Variants in PTPRD observed in about 807,000 individuals in gnomAD.
PTPRD encodes the protein receptor-type tyrosine-protein phosphatase delta.
A neutral mutation model predicts 214.5 loss-of-function variants in PTPRD; 34 were observed. That is an observed-to-expected ratio of 0.16 (90% CI 0.12 to 0.21). The LOEUF (loss-of-function observed/expected upper bound fraction) is 0.21, where lower values mean the gene tolerates loss of function less well. Among genes scored for constraint, PTPRD ranks in the 10% least tolerant of loss-of-function variants. The probability of loss-of-function intolerance (pLI) is 1.00; values close to 1 mark genes in which losing one functional copy is unlikely to be tolerated. For synonymous variants in PTPRD, 1,128 were observed against 845.7 expected (o/e 1.33, Z -5.79); for missense variants, 2,545 against 2,398.7 (o/e 1.06, Z -1.27).
At chr9:8,494,734 C>A (rs2097222868) in intron 26 of PTPRD, among the ~76,000 whole-genome samples, 1 of 152,216 alleles carries the variant, frequency 6.6e-6, no homozygotes, top group Admixed American at 6.5e-5. Flanking sequence ...GGATAACAGA[C>A]ATAACGCAAT....
chr9:10,020,389 C>A (rs2096826027), intron 4 of PTPRD, among the ~76,000 whole-genome samples: 1 of 148,404 alleles, frequency 6.7e-6, no homozygotes, highest in Non-Finnish European at 1.5e-5. Context: ...GCGACCTCCA[C>A]TTCTCGGGTT....
At chr9:8,428,327 T>A (rs1343837105) in intron 35 of PTPRD, among the ~76,000 whole-genome samples, 1 of 152,204 alleles carries the variant, frequency 6.6e-6, no homozygotes, top group African/African-American at 2.4e-5. Flanking sequence ...TGATCTGGAA[T>A]AGTAAATTTA....
rs1333130531 is a variant in PTPRD at position 8,511,307 on chromosome 9, G to T, written c.1544-3873C>A. Among the ~76,000 whole-genome samples, 3 of 152,152 alleles carry T rather than the reference G, an allele frequency of 2.0e-5. No individual in the cohort carries two copies. In the South Asian group the frequency reaches 6.2e-4, roughly 32 times the overall value. On this transcript the variant is annotated intron_variant, in intron 21 of 45. Coordinates refer to ENST00000381196, the MANE Select transcript of PTPRD (RefSeq NM_002839.4). ...GGTTGTCTGAACTTCCTGGGCTCAA[G>T]AAATCCTTCCACCTCGACCACTCAA...
At chr9:8,845,427 G>A (rs1351005295) in intron 11 of PTPRD, among the ~76,000 whole-genome samples, 1 of 152,088 alleles carries the variant, frequency 6.6e-6, no homozygotes, top group Non-Finnish European at 1.5e-5. Context: ...GCTAGCTCTG[G>A]CGATATTCAA....
chr9:9,379,426 C>T (rs925561351), intron 9 of PTPRD, among the ~76,000 whole-genome samples: 1 of 151,726 alleles, frequency 6.6e-6, no homozygotes, highest in African/African-American at 2.4e-5. Context: ...ACCATGCAGT[C>T]TCGATTACTG....
intron 32 of PTPRD, among the ~76,000 whole-genome samples, chr9:8,463,492 C>G (rs1045195420): frequency 2.6e-5 from 4 of 151,802 alleles, no homozygotes; most frequent in African/African-American, 9.7e-5. Flanking sequence ...GCAATACTGT[C>G]TCATTTGAAA....
chr9:9,494,524 G>C (rs1356247237), intron 8 of PTPRD, among the ~76,000 whole-genome samples: 3 of 152,174 alleles, frequency 2.0e-5, no homozygotes, highest in East Asian at 3.9e-4. Context: ...AAATGATTAA[G>C]ATTTGCAAAG....
intron 9 of PTPRD, among the ~76,000 whole-genome samples, chr9:9,209,256 T>A (rs10977578): frequency 0.1 from 15,753 of 152,222 alleles, 903 homozygotes; most frequent in Middle Eastern, 0.13. Context: ...ACACTATTGT[T>A]AAGCAATGAA....
chr9:8,937,458 GA>G (rs1278798942), intron 11 of PTPRD, among the ~76,000 whole-genome samples: 2 of 152,134 alleles, frequency 1.3e-5, no homozygotes, highest in African/African-American at 4.8e-5. Context: ...CACCCAGAAA[GA>G]AAACACTTGG....
At chr9:9,061,958 C>T (rs1184762262) in intron 10 of PTPRD, among the ~76,000 whole-genome samples, 1 of 152,024 alleles carries the variant, frequency 6.6e-6, no homozygotes, top group African/African-American at 2.4e-5. Flanking sequence ...CACCAAGAAC[C>T]GACTGTGGGA....
At chr9:9,372,293 G>T (rs1281508940) in intron 9 of PTPRD, among the ~76,000 whole-genome samples, 2 of 152,088 alleles carry the variant, frequency 1.3e-5, no homozygotes, top group Non-Finnish European at 2.9e-5. Context: ...GTATCTGGGT[G>T]CTCCTGTATT....
At chr9:10,091,894 T>A (rs1311628381) in intron 3 of PTPRD, among the ~76,000 whole-genome samples, 2 of 151,462 alleles carry the variant, frequency 1.3e-5, no homozygotes, top group South Asian at 2.1e-4. Context: ...CTCCCGGAAA[T>A]TATTAATGGA....
At chr9:9,696,824 G>A (rs577213855) in intron 7 of PTPRD, among the ~76,000 whole-genome samples, 2 of 152,134 alleles carry the variant, frequency 1.3e-5, no homozygotes, top group East Asian at 3.9e-4. Flanking sequence ...GATAGGTAAA[G>A]ATTTACTATT....
chr9:8,727,543 T>C (rs1422138848), intron 12 of PTPRD, among the ~76,000 whole-genome samples: 3 of 152,240 alleles, frequency 2.0e-5, no homozygotes, highest in Non-Finnish European at 4.4e-5. Context: ...GTGTTTATCA[T>C]GTAAACATAC....
chr9:8,610,484 C>G (rs1239061148), intron 14 of PTPRD, among the ~76,000 whole-genome samples: 1 of 152,120 alleles, frequency 6.6e-6, no homozygotes, highest in South Asian at 2.1e-4. Flanking sequence ...CACATGGTCT[C>G]CTATAGATAC....
chr9:10,601,846 A>G (rs970554790), intron 2 of PTPRD, among the ~76,000 whole-genome samples: 4 of 151,752 alleles, frequency 2.6e-5, no homozygotes, highest in Admixed American at 2.0e-4. Context: ...TCAGGTTGGC[A>G]TATTTTCTAC....
intron 14 of PTPRD, among the ~76,000 whole-genome samples, chr9:8,607,372 C>T (rs1016666005): frequency 6.6e-6 from 1 of 152,068 alleles, no homozygotes; most frequent in African/African-American, 2.4e-5. Flanking sequence ...GGGCCGGGTG[C>T]GGTGCCGCAT....
chr9:8,458,200 T>C (rs1164973169), intron 33 of PTPRD, among the ~76,000 whole-genome samples: 1 of 152,172 alleles, frequency 6.6e-6, no homozygotes. Flanking sequence ...AACCTTTAAA[T>C]ATGATACTTC....
chr9:8,497,817 T>C (rs1457975625), intron 25 of PTPRD, among the ~76,000 whole-genome samples: 1 of 152,186 alleles, frequency 6.6e-6, no homozygotes, highest in African/African-American at 2.4e-5. Flanking sequence ...CATTTGGTAT[T>C]ATATAATTTC....
Sources: allele counts gnomAD v4.1 joint callset (sites outside exome capture counted in the v4.1 genomes callset), GRCh38; gene constraint gnomAD v4.1.1; transcripts MANE v1.5; gene names NCBI Gene and HGNC (gene_info 2026-07-23, HGNC 2026-07-21).